The following KLHL32 variants were observed in gnomAD, a reference collection of about 807,000 sequenced individuals.
The protein encoded by KLHL32 is kelch like family member 32, also known as kelch-like protein 32.
Under a neutral mutation model 64.8 loss-of-function variants are expected in KLHL32, and 35 were observed. That is an observed-to-expected ratio of 0.54 (90% CI 0.41 to 0.72). The LOEUF (loss-of-function observed/expected upper bound fraction) is 0.72. Among genes scored for constraint, KLHL32 ranks in the 30% least tolerant of loss-of-function variants. The pLI is 0.00. For missense variants in KLHL32, 589 were observed against 768.5 expected, an observed-to-expected ratio of 0.77 and a Z score of 2.76; for synonymous variants, 259 against 281.0, an observed-to-expected ratio of 0.92 and a Z score of 0.78.
the KLHL32 span, among the ~76,000 whole-genome samples, chr6:96,909,851 TCAG>T: frequency 6.6e-6 from 1 of 152,216 alleles, no homozygotes; most frequent in Non-Finnish European, 1.5e-5. Flanking sequence ...AAATAGAATG[TCAG>T]CAGTTGTGTC....
intron 2 of KLHL32, among the ~76,000 whole-genome samples, chr6:96,968,355 C>T (rs1402491774): frequency 6.6e-6 from 1 of 151,110 alleles, no homozygotes; most frequent in East Asian, 1.9e-4. Flanking sequence ...CAGCCCCCTA[C>T]AGCAAAAAAC....
chr6:97,040,537 T>A (rs991678759), intron 3 of KLHL32, among the ~76,000 whole-genome samples: 1 of 152,022 alleles, frequency 6.6e-6, no homozygotes, highest in Non-Finnish European at 1.5e-5. Flanking sequence ...CTGCTTGGAG[T>A]ATCAGTTTCA....
chr6:97,016,775 CCATAAT>C (rs1414038307), intron 3 of KLHL32, among the ~76,000 whole-genome samples: 1 of 152,146 alleles, frequency 6.6e-6, no homozygotes, highest in Non-Finnish European at 1.5e-5. Flanking sequence ...ATTGCAATCC[CCATAAT>C]CCTGGGAGGG....
chr6:96,944,108 G>A (rs1445290418), intron 1 of KLHL32, among the ~76,000 whole-genome samples: 2 of 152,094 alleles, frequency 1.3e-5, no homozygotes, highest in Non-Finnish European at 2.9e-5. Context: ...GTTGCTCATC[G>A]TTATATCAAA....
At chr6:96,997,654 A>T (rs1190332372) in intron 3 of KLHL32, among the ~76,000 whole-genome samples, 1 of 152,066 alleles carries the variant, frequency 6.6e-6, no homozygotes, top group African/African-American at 2.4e-5. Context: ...TAGCAGGAGG[A>T]TCGCTTGAGC....
intron 3 of KLHL32, among the ~76,000 whole-genome samples, chr6:97,032,766 A>G (rs997413418): frequency 1.8e-4 from 27 of 152,180 alleles, no homozygotes; most frequent in African/African-American, 6.5e-4. Context: ...AAAACAACTG[A>G]AATTTCTTTC....
chr6:97,020,733 T>A (rs867045320), intron 3 of KLHL32, among the ~76,000 whole-genome samples: 1 of 150,914 alleles, frequency 6.6e-6, no homozygotes, highest in African/African-American at 2.5e-5. Context: ...AGCATCTCAG[T>A]CACTTCCTAT....
chr6:97,136,914 G>A (rs1800083751), intron 10 of KLHL32, among the ~76,000 whole-genome samples: 1 of 152,160 alleles, frequency 6.6e-6, no homozygotes, highest in Admixed American at 6.5e-5. Flanking sequence ...CAGTCAGGAG[G>A]GAGGGCACAA....
chr6:97,018,669 C>T (rs1781574007), intron 3 of KLHL32, among the ~76,000 whole-genome samples: 1 of 150,880 alleles, frequency 6.6e-6, no homozygotes, highest in South Asian at 2.1e-4. Context: ...AAATATTAGT[C>T]AGATGCTAAC....
intron 3 of KLHL32, among the ~76,000 whole-genome samples, chr6:97,007,956 C>T (rs549014599): frequency 2.1e-4 from 32 of 152,292 alleles, no homozygotes; most frequent in African/African-American, 5.3e-4. Flanking sequence ...AATTTGTGCT[C>T]GCTTGCACAT....
intron 1 of KLHL32, among the ~76,000 whole-genome samples, chr6:96,931,898 A>G (rs1054690259): frequency 1.2e-4 from 18 of 152,194 alleles, no homozygotes; most frequent in Non-Finnish European, 1.9e-4. Flanking sequence ...AGCCTACTCT[A>G]AATGTGAAGA....
chr6:96,975,835 C>T (rs1039220368), intron 2 of KLHL32, among the ~76,000 whole-genome samples, 162 bp from the exon 3 acceptor site: 3 of 151,988 alleles, frequency 2.0e-5, no homozygotes, highest in Admixed American at 2.0e-4. Context: ...AAAGGGAGAA[C>T]AAGAGAATGG....
At chr6:97,057,869 T>C (rs74688141) in intron 4 of KLHL32, among the ~76,000 whole-genome samples, 2,928 of 152,288 alleles carry the variant, frequency 0.019, 42 homozygotes, top group South Asian at 0.048. Flanking sequence ...AGTTTTCTAG[T>C]TTTGCATTTT....
chr6:96,959,578 A>G (rs1401159426), intron 1 of KLHL32, among the ~76,000 whole-genome samples: 1 of 152,176 alleles, frequency 6.6e-6, no homozygotes, highest in East Asian at 1.9e-4. Flanking sequence ...GAGCCCACCC[A>G]GTAACCTTTT....
At chr6:96,929,369 G>C (rs571910327) in intron 1 of KLHL32, among the ~76,000 whole-genome samples, 1 of 152,176 alleles carries the variant, frequency 6.6e-6, no homozygotes, top group Admixed American at 6.5e-5. Context: ...TAATAAGCAA[G>C]GGGCTTTTTG....
intron 4 of KLHL32, 38 bp downstream of exon 4, chr6:97,041,637 C>T (rs1487799488): frequency 8.4e-7 from 1 of 1,184,238 alleles, no homozygotes; most frequent in Admixed American, 1.7e-5. Flanking sequence ...TTTAACATTT[C>T]AACTACATCT....
chr6:96,947,906 A>T (rs970266952), intron 1 of KLHL32, among the ~76,000 whole-genome samples: 21 of 152,120 alleles, frequency 1.4e-4, no homozygotes, highest in African/African-American at 4.8e-4. Context: ...ATCTTATGTC[A>T]AAAGGATACT....
intron 3 of KLHL32, among the ~76,000 whole-genome samples, chr6:97,032,657 A>G (rs1783726495): frequency 6.6e-6 from 1 of 151,880 alleles, no homozygotes; most frequent in South Asian, 2.1e-4. Context: ...CCGTCAGCAC[A>G]TCAGGGGCAA....
At chr6:97,004,579 C>T (rs1400157401) in intron 3 of KLHL32, among the ~76,000 whole-genome samples, 1 of 151,956 alleles carries the variant, frequency 6.6e-6, no homozygotes, top group African/African-American at 2.4e-5. Context: ...ATGCTTCCAG[C>T]GTTTGCCTAT....
Sources: gnomAD v4.1 joint callset for allele counts (sites outside exome capture counted in the v4.1 genomes callset) on GRCh38, gnomAD v4.1.1 for gene constraint, MANE v1.5 for transcripts, NCBI Gene and HGNC (gene_info 2026-07-23, HGNC 2026-07-21) for gene names.